The following PRELID2 variants were observed in gnomAD, a reference collection of about 807,000 sequenced individuals.
PRELID2 encodes PRELI domain-containing protein 2.
PRELID2 carries 25 observed loss-of-function variants against 28.4 expected under a neutral mutation model. The ratio of observed to expected loss-of-function variants is 0.88; its 90% confidence interval spans 0.64 to 1.23. The LOEUF (loss-of-function observed/expected upper bound fraction) is 1.23. Among genes scored for constraint, PRELID2 ranks in the 50% most tolerant of loss-of-function variants. The pLI is 0.00. For synonymous variants in PRELID2, 76 were observed against 71.6 expected (o/e 1.06, Z -0.31); for missense variants, 201 against 214.4 (o/e 0.94, Z 0.39).
At chr5:145,564,983 CCACT>C (rs1752953792) in intron 1 of PRELID2, among the ~76,000 whole-genome samples, 1 of 152,194 alleles carries the variant, frequency 6.6e-6, no homozygotes, top group African/African-American at 2.4e-5. Flanking sequence ...TGGGCTGCAC[CCACT>C]GTCTAACCAG....
chr5:145,527,162 A>C (rs1484704903), intron 1 of PRELID2, among the ~76,000 whole-genome samples: 3 of 152,226 alleles, frequency 2.0e-5, no homozygotes, highest in Non-Finnish European at 4.4e-5. Context: ...TGGCACCAGC[A>C]ATCCTTCTGA....
downstream of PRELID2, among the ~76,000 whole-genome samples, chr5:145,469,355 C>T (rs1752031681): frequency 1.3e-5 from 2 of 152,176 alleles, no homozygotes; most frequent in South Asian, 4.1e-4. Context: ...TGAGGCGTGT[C>T]AAAAGTAAAA....
intron 1 of PRELID2, among the ~76,000 whole-genome samples, chr5:145,713,265 T>C (rs1369630420): frequency 6.7e-6 from 1 of 149,512 alleles, no homozygotes; most frequent in Non-Finnish European, 1.5e-5. Flanking sequence ...GCCAAAGATA[T>C]AGAGAAAAAT....
intron 1 of PRELID2, among the ~76,000 whole-genome samples, chr5:145,685,133 G>A (rs1212599355): frequency 6.6e-6 from 1 of 152,140 alleles, no homozygotes; most frequent in Non-Finnish European, 1.5e-5. Flanking sequence ...TAGTCTCTCT[G>A]TTTTCAGCTT....
At chr5:145,577,658 G>A (rs1219082336) in intron 1 of PRELID2, among the ~76,000 whole-genome samples, 1 of 151,930 alleles carries the variant, frequency 6.6e-6, no homozygotes, top group Non-Finnish European at 1.5e-5. Flanking sequence ...AGAAGGAGAA[G>A]AGAAAAATAA....
chr5:145,344,149 T>C, the PRELID2 span, among the ~76,000 whole-genome samples: 16 of 152,036 alleles, frequency 1.1e-4, no homozygotes, highest in African/African-American at 3.9e-4. Flanking sequence ...TCTCTTTCAC[T>C]CATTCTACAA....
intron 1 of PRELID2, among the ~76,000 whole-genome samples, chr5:145,599,028 T>C (rs960459884): frequency 6.6e-6 from 1 of 152,164 alleles, no homozygotes; most frequent in Non-Finnish European, 1.5e-5. Flanking sequence ...TGATTCAGCC[T>C]ATAGGTTGTT....
At chr5:145,447,515 T>C in the PRELID2 span, among the ~76,000 whole-genome samples, 107,943 of 127,044 alleles carry the variant, frequency 0.85, 46,240 homozygotes, top group African/African-American at 0.94. Flanking sequence ...TACATGTGCA[T>C]ATTGTGCAGG....
the PRELID2 span, among the ~76,000 whole-genome samples, chr5:145,348,190 A>T: frequency 3.3e-5 from 5 of 152,164 alleles, no homozygotes; most frequent in African/African-American, 9.6e-5. Context: ...ACATTAGTGA[A>T]TGTGGCTGAA....
the PRELID2 span, among the ~76,000 whole-genome samples, chr5:145,389,415 C>T: frequency 6.6e-6 from 1 of 152,074 alleles, no homozygotes; most frequent in Non-Finnish European, 1.5e-5. Flanking sequence ...CTCTGCAGTA[C>T]CCACCAAAGC....
chr5:145,585,654 CTA>C (rs1478686077), intron 1 of PRELID2, among the ~76,000 whole-genome samples: 1 of 152,074 alleles, frequency 6.6e-6, no homozygotes, highest in African/African-American at 2.4e-5. Flanking sequence ...CAAGCACATA[CTA>C]AACAATAAAC....
intron 1 of PRELID2, among the ~76,000 whole-genome samples, chr5:145,703,347 C>A (rs1755458331): frequency 6.6e-6 from 1 of 152,198 alleles, no homozygotes; most frequent in African/African-American, 2.4e-5. Flanking sequence ...TCTCATCTTC[C>A]TTCTGTCTCT....
At chr5:145,438,007 G>T in the PRELID2 span, among the ~76,000 whole-genome samples, 1 of 152,038 alleles carries the variant, frequency 6.6e-6, no homozygotes. Flanking sequence ...CTGAGAGGTT[G>T]TTATACTCTC....
intron 5 of PRELID2, among the ~76,000 whole-genome samples, chr5:145,792,764 A>C (rs542227380): frequency 2.2e-4 from 33 of 152,350 alleles, no homozygotes; most frequent in Admixed American, 1.6e-3. Context: ...AAATATGTTA[A>C]AGAAGTATGT....
chr5:145,381,969 T>TA, the PRELID2 span, among the ~76,000 whole-genome samples: 3 of 151,582 alleles, frequency 2.0e-5, no homozygotes, highest in African/African-American at 7.3e-5. Context: ...TTTTTTTTTT[T>TA]AATTTAGCAG....
chr5:145,320,289 G>A, the PRELID2 span, among the ~76,000 whole-genome samples: 3 of 99,194 alleles, frequency 3.0e-5, no homozygotes, highest in Non-Finnish European at 6.3e-5. Context: ...TTTTTTTTTT[G>A]AGACGGAGTC....
At chr5:145,233,463 A>G in the PRELID2 span, among the ~76,000 whole-genome samples, 4 of 152,152 alleles carry the variant, frequency 2.6e-5, no homozygotes, top group African/African-American at 9.7e-5. Flanking sequence ...CCATGCTGTC[A>G]TTTCAAAGAA....
intron 1 of PRELID2, among the ~76,000 whole-genome samples, chr5:145,646,644 G>T (rs1303550154): frequency 1.3e-5 from 2 of 152,140 alleles, no homozygotes; most frequent in East Asian, 3.8e-4. Flanking sequence ...CAGCCTTTTT[G>T]CACTAGTTTC....
chr5:145,702,938 T>C (rs1293163471), intron 1 of PRELID2, among the ~76,000 whole-genome samples: 1 of 152,174 alleles, frequency 6.6e-6, no homozygotes, highest in Non-Finnish European at 1.5e-5. Flanking sequence ...AGCAGATTGA[T>C]ATATAATTAT....
Sources: allele counts gnomAD v4.1 joint callset (sites outside exome capture counted in the v4.1 genomes callset), GRCh38; gene constraint gnomAD v4.1.1; transcripts MANE v1.5; gene names NCBI Gene and HGNC (gene_info 2026-07-23, HGNC 2026-07-21).